The following COG3 variants were observed in gnomAD, a reference collection of about 807,000 sequenced individuals.
COG3 encodes the protein component of oligomeric golgi complex 3, also known as conserved oligomeric Golgi complex subunit 3.
Under a neutral mutation model 114.1 loss-of-function variants are expected in COG3, and 32 were observed. The observed-to-expected ratio is 0.28, with a 90% CI of 0.21 to 0.38. The LOEUF (loss-of-function observed/expected upper bound fraction) is 0.38. Ranked by LOEUF, COG3 falls within the 10% of genes least tolerant of loss-of-function variation. The pLI, the probability that COG3 is intolerant of heterozygous loss-of-function variation, is 1.00. For synonymous variants in COG3, 352 were observed against 365.7 expected, an observed-to-expected ratio of 0.96 and a Z score of 0.43; for missense variants, 813 against 973.2, an observed-to-expected ratio of 0.84 and a Z score of 2.19.
intron 8 of COG3, among the ~76,000 whole-genome samples, chr13:45,486,904 T>C (rs890771865): frequency 2.0e-5 from 3 of 152,176 alleles, no homozygotes; most frequent in African/African-American, 7.2e-5. Context: ...TAGGGAAGTT[T>C]GTAGGAGACA....
At chr13:45,507,626 G>T (rs1270898389) in intron 14 of COG3, among the ~76,000 whole-genome samples, 1 of 152,068 alleles carries the variant, frequency 6.6e-6, no homozygotes. Flanking sequence ...TTAGCTGGGT[G>T]TGGTGGCACA....
At chr13:45,499,795 G>T (rs1053025838) in intron 13 of COG3, among the ~76,000 whole-genome samples, 2 of 152,120 alleles carry the variant, frequency 1.3e-5, no homozygotes, top group Non-Finnish European at 2.9e-5. Flanking sequence ...GCCAAGGTGG[G>T]CGAATCACTT....
At chr13:45,497,408 G>C (rs1039248982) in intron 13 of COG3, among the ~76,000 whole-genome samples, 1 of 152,122 alleles carries the variant, frequency 6.6e-6, no homozygotes, top group South Asian at 2.1e-4. Flanking sequence ...CATTACCTCA[G>C]CTTCAACATG....
chr13:45,509,142 C>T (rs947119137), intron 14 of COG3, among the ~76,000 whole-genome samples: 3 of 151,676 alleles, frequency 2.0e-5, no homozygotes, highest in East Asian at 1.9e-4. Context: ...CAGGTTCAAG[C>T]GATTTTCCTG....
At chr13:45,501,243 A>G (rs746973397) in intron 13 of COG3, among the ~76,000 whole-genome samples, 2 of 152,220 alleles carry the variant, frequency 1.3e-5, no homozygotes, top group Non-Finnish European at 2.9e-5. Context: ...CAAAGTATCT[A>G]TGTAAATACT....
intron 1 of COG3, chr13:45,466,419 A>C (rs1188246068): frequency 6.6e-6 from 1 of 152,066 alleles, no homozygotes; most frequent in Non-Finnish European, 1.5e-5. Context: ...CTGTCCTCCA[A>C]CTTTAGAGAT....
At chr13:45,491,079 C>A in intron 9 of COG3, 121 bp downstream of exon 9, 1 of 681,092 alleles carries the variant, frequency 1.5e-6, no homozygotes, top group Non-Finnish European at 2.5e-6. Context: ...TTGTAACATA[C>A]CACTTATTTT....
intron 7 of COG3, among the ~76,000 whole-genome samples, chr13:45,485,118 C>T (rs1207025577): frequency 6.7e-6 from 1 of 149,292 alleles, no homozygotes; most frequent in African/African-American, 2.5e-5. Context: ...CTACTGGGCA[C>T]ACCTCCCAGA....
intron 12 of COG3, among the ~76,000 whole-genome samples, chr13:45,494,339 A>C (rs892791098): frequency 5.3e-5 from 8 of 151,902 alleles, no homozygotes; most frequent in East Asian, 1.9e-4. Flanking sequence ...AAAAAAAAAA[A>C]AAAAACAACC....
chr13:45,494,308 A>T (rs1868457139), intron 12 of COG3, among the ~76,000 whole-genome samples: 1 of 151,234 alleles, frequency 6.6e-6, no homozygotes, highest in South Asian at 2.1e-4. Context: ...CCAGGCAACA[A>T]CAGCAAGACT....
intron 1 of COG3, 197 bp downstream of exon 1, chr13:45,465,407 T>A: frequency 1.1e-6 from 1 of 932,680 alleles, no homozygotes; most frequent in Non-Finnish European, 1.5e-6. Context: ...CGACTCTAAT[T>A]CTGCCTGGGG....
chr13:45,496,799 G>A (rs1010160798), intron 13 of COG3, among the ~76,000 whole-genome samples: 2 of 151,742 alleles, frequency 1.3e-5, no homozygotes, highest in Admixed American at 6.6e-5. Flanking sequence ...TCAGCCTCCC[G>A]AGAAGCTGGG....
At chr13:45,524,903 C>A in intron 19 of COG3, 73 bp from the exon 20 acceptor site, 1 of 1,109,942 alleles carries the variant, frequency 9.0e-7, no homozygotes, top group Non-Finnish European at 1.3e-6. Context: ...AGCAGTACCA[C>A]CCTTGAGAGC....
At chr13:45,472,746 C>T (rs58153884) in intron 1 of COG3, among the ~76,000 whole-genome samples, 13,300 of 152,232 alleles carry the variant, frequency 0.087, 1,621 homozygotes, top group African/African-American at 0.27. Flanking sequence ...TACTTCTTAT[C>T]TGTGTGTTAC....
At chr13:45,481,415 C>T in intron 5 of COG3, 111 bp downstream of exon 5, 1 of 639,192 alleles carries the variant, frequency 1.6e-6, no homozygotes, top group Middle Eastern at 4.2e-4. Context: ...TTTAATTTAG[C>T]TTGCTTGCTG....
intron 12 of COG3, chr13:45,494,026 T>G (rs940307899): frequency 1.3e-5 from 2 of 152,240 alleles, no homozygotes; most frequent in Non-Finnish European, 2.9e-5. Flanking sequence ...CTAGGTACCT[T>G]TAAAAAATAC....
intron 12 of COG3, among the ~76,000 whole-genome samples, chr13:45,495,924 A>G (rs1471261932): frequency 1.3e-5 from 2 of 152,166 alleles, no homozygotes; most frequent in Non-Finnish European, 2.9e-5. Context: ...TATTCATATT[A>G]ATAATATAAT....
At chr13:45,525,583 C>T (rs78242977) in intron 20 of COG3, among the ~76,000 whole-genome samples, 1 of 61,980 alleles carries the variant, frequency 1.6e-5, no homozygotes, top group Admixed American at 2.4e-4. Context: ...TGAGATGTTC[C>T]CAGTCTTACT....
At chr13:45,513,679 G>A (rs1267652108) in intron 16 of COG3, among the ~76,000 whole-genome samples, 1 of 151,110 alleles carries the variant, frequency 6.6e-6, no homozygotes, top group Non-Finnish European at 1.5e-5. Context: ...AAATGGAGAG[G>A]TGAAATGAAA....
Sources: gnomAD v4.1 joint callset for allele counts (sites outside exome capture counted in the v4.1 genomes callset) on GRCh38, gnomAD v4.1.1 for gene constraint, MANE v1.5 for transcripts, NCBI Gene and HGNC (gene_info 2026-07-23, HGNC 2026-07-21) for gene names.